The following MACROD2 variants were observed in gnomAD, a reference collection of about 807,000 sequenced individuals.
The protein encoded by MACROD2 is ADP-ribose glycohydrolase MACROD2.
Under a neutral mutation model 70.4 loss-of-function variants are expected in MACROD2, and 36 were observed. The ratio of observed to expected loss-of-function variants is 0.51; its 90% CI spans 0.39 to 0.68. The LOEUF is 0.68. Ranked by LOEUF, MACROD2 falls within the 30% of genes least tolerant of loss-of-function variation. The pLI is 0.00. For missense variants in MACROD2, 496 were observed against 538.4 expected (o/e 0.92, Z 0.78); for synonymous variants, 172 against 178.8 (o/e 0.96, Z 0.30).
intron 4 of MACROD2, among the ~76,000 whole-genome samples, chr20:14,545,706 A>G (rs1600368770): frequency 6.6e-6 from 1 of 152,228 alleles, no homozygotes; most frequent in Non-Finnish European, 1.5e-5. Context: ...AATTGCAATC[A>G]GTGTTGGGAA....
At chr20:14,375,709 G>A (rs1267187925) in intron 3 of MACROD2, among the ~76,000 whole-genome samples, 1 of 152,124 alleles carries the variant, frequency 6.6e-6, no homozygotes, top group African/African-American at 2.4e-5. Flanking sequence ...GTGAATGAAT[G>A]GATTGTCTCC....
At chr20:15,904,645 C>A in intron 10 of MACROD2, among the ~76,000 whole-genome samples, 1 of 151,896 alleles carries the variant, frequency 6.6e-6, no homozygotes, top group East Asian at 1.9e-4. Context: ...GTAATCCCAG[C>A]ACTTTGGGAG....
rs548669430 is a variant in MACROD2, at chr20:15,951,351, A to G, written c.907+13807A>G. ...CACACACACACACACACACACACAC[A>G]AAGAGAGAGAGAGAGAGAAAGAGCA... On this transcript the variant is annotated intron_variant, in intron 12 of 17. Transcript: ENST00000684519. Among the ~76,000 whole-genome samples, 3 of 149,078 alleles carry G rather than the reference A, an allele frequency of 2.0e-5. No homozygotes were observed. The East Asian group carries it at 5.9e-4, about 30-fold the overall frequency.
intron 8 of MACROD2, among the ~76,000 whole-genome samples, chr20:15,720,611 CT>C (rs1357460196): frequency 6.6e-6 from 1 of 152,164 alleles, no homozygotes; most frequent in Non-Finnish European, 1.5e-5. Flanking sequence ...TATGGGTTTC[CT>C]GTCCTAGAAT....
intron 3 of MACROD2, among the ~76,000 whole-genome samples, chr20:14,483,179 A>C (rs1021464734): frequency 3.3e-5 from 5 of 152,326 alleles, no homozygotes; most frequent in South Asian, 2.1e-4. Context: ...CTTCCATTAC[A>C]CTTGTACAAA....
chr20:14,408,714 A>T (rs139867903), intron 3 of MACROD2, among the ~76,000 whole-genome samples: 1 of 152,300 alleles, frequency 6.6e-6, no homozygotes, highest in East Asian at 1.9e-4. Context: ...GATGGCATTT[A>T]GATAACTATT....
intron 5 of MACROD2, chr20:15,196,924 T>A (rs1042503044): frequency 1.0e-5 from 10 of 985,292 alleles, no homozygotes; most frequent in Non-Finnish European, 1.2e-5. Context: ...TTGGAAAGAC[T>A]ACATAAAAAA....
intron 3 of MACROD2, among the ~76,000 whole-genome samples, chr20:14,439,487 A>G (rs2084096510): frequency 6.6e-6 from 1 of 152,128 alleles, no homozygotes; most frequent in Non-Finnish European, 1.5e-5. Flanking sequence ...ATTTTAAAAT[A>G]TCTAATTTTA....
intron 5 of MACROD2, among the ~76,000 whole-genome samples, chr20:14,760,409 C>T (rs75524762): frequency 1.6e-4 from 24 of 152,006 alleles, no homozygotes; most frequent in African/African-American, 5.6e-4. Context: ...GAGCCTGGGG[C>T]CAGGTACATA....
At chr20:15,289,390 G>A (rs921433912) in intron 6 of MACROD2, among the ~76,000 whole-genome samples, 10 of 152,340 alleles carry the variant, frequency 6.6e-5, no homozygotes, top group Non-Finnish European at 1.3e-4. Context: ...AATGCAATGA[G>A]ATAAAGTATT....
intron 7 of MACROD2, among the ~76,000 whole-genome samples, chr20:15,485,254 G>T (rs532573908): frequency 6.6e-6 from 1 of 152,126 alleles, no homozygotes; most frequent in East Asian, 1.9e-4. Flanking sequence ...GTTCATAAGT[G>T]AAATACTGAG....
intron 8 of MACROD2, among the ~76,000 whole-genome samples, chr20:15,599,913 A>C (rs947755628): frequency 6.6e-6 from 1 of 152,102 alleles, no homozygotes; most frequent in Non-Finnish European, 1.5e-5. Flanking sequence ...AAGTATCCAG[A>C]CCTTTTAAAT....
At chr20:15,786,031 G>C (rs1455562994) in intron 8 of MACROD2, among the ~76,000 whole-genome samples, 1 of 151,780 alleles carries the variant, frequency 6.6e-6, no homozygotes, top group East Asian at 1.9e-4. Flanking sequence ...TAGATACAAG[G>C]GTTCAAATAA....
At chr20:15,570,457 G>A (rs1420439) in intron 8 of MACROD2, among the ~76,000 whole-genome samples, 21,053 of 152,034 alleles carry the variant, frequency 0.14, 3,471 homozygotes, top group African/African-American at 0.4. Context: ...CAACTCGTAT[G>A]TACATCTTTT....
chr20:15,574,204 A>G (rs2048413917), intron 8 of MACROD2, among the ~76,000 whole-genome samples: 1 of 151,870 alleles, frequency 6.6e-6, no homozygotes, highest in Non-Finnish European at 1.5e-5. Context: ...CATACTTGGC[A>G]TGTCATAATG....
intron 15 of MACROD2, among the ~76,000 whole-genome samples, chr20:16,012,908 G>A (rs559662746): frequency 6.6e-5 from 10 of 152,296 alleles, no homozygotes; most frequent in African/African-American, 9.6e-5. Flanking sequence ...TTGGCTGGGC[G>A]CAGTGACTCA....
intron 6 of MACROD2, among the ~76,000 whole-genome samples, chr20:15,324,628 C>G (rs6074871): frequency 0.032 from 4,858 of 152,254 alleles, 98 homozygotes; most frequent in Middle Eastern, 0.048. Context: ...AGCCTCTAAC[C>G]TGTGTCATCA....
At chr20:15,617,003 G>A (rs2049048661) in intron 8 of MACROD2, among the ~76,000 whole-genome samples, 1 of 152,172 alleles carries the variant, frequency 6.6e-6, no homozygotes, top group Admixed American at 6.6e-5. Context: ...CCTTAGCTAT[G>A]GTAGAACAGT....
At chr20:14,652,804 CA>C (rs1208413197) in intron 4 of MACROD2, among the ~76,000 whole-genome samples, 2 of 152,170 alleles carry the variant, frequency 1.3e-5, no homozygotes, top group Non-Finnish European at 2.9e-5. Context: ...TAATTTTCTT[CA>C]GTCCCAATAG....
Sources: gnomAD v4.1 joint callset for allele counts (sites outside exome capture counted in the v4.1 genomes callset) on GRCh38, gnomAD v4.1.1 for gene constraint, MANE v1.5 for transcripts, NCBI Gene and HGNC (gene_info 2026-07-23, HGNC 2026-07-21) for gene names.